The following NRIP1 variants were observed in gnomAD, a reference collection of about 807,000 sequenced individuals.
The protein encoded by NRIP1 is nuclear receptor-interacting protein 1.
In NRIP1, 28 loss-of-function variants were observed where a neutral mutation model predicts 75.0. The ratio of observed to expected loss-of-function variants is 0.37; its 90% CI spans 0.28 to 0.51. NRIP1 has a LOEUF of 0.51. NRIP1 is among the 20% of genes least tolerant of loss of function. NRIP1 has a pLI of 0.92. For synonymous variants in NRIP1, 526 were observed against 487.6 expected (o/e 1.08, Z -1.04); for missense variants, 1,435 against 1,343.7 (o/e 1.07, Z -1.06).
intron 3 of NRIP1, among the ~76,000 whole-genome samples, chr21:15,011,710 G>T (rs940559164): frequency 1.3e-5 from 2 of 152,050 alleles, no homozygotes; most frequent in African/African-American, 4.8e-5. Flanking sequence ...TTGATTTATG[G>T]TCATTTAGTT....
intron 1 of NRIP1, among the ~76,000 whole-genome samples, chr21:15,061,100 C>T (rs991884815): frequency 3.9e-5 from 6 of 152,144 alleles, no homozygotes; most frequent in Non-Finnish European, 8.8e-5. Flanking sequence ...TTTTAGTTCA[C>T]AGATTCAAAC....
At chr21:14,979,556 A>G (rs1404702230) in intron 3 of NRIP1, among the ~76,000 whole-genome samples, 1 of 152,202 alleles carries the variant, frequency 6.6e-6, no homozygotes, top group Non-Finnish European at 1.5e-5. Flanking sequence ...ACTTACCCAC[A>G]TAGTATATAC....
chr21:14,972,057 G>A (rs984478703), intron 3 of NRIP1, among the ~76,000 whole-genome samples: 10 of 152,140 alleles, frequency 6.6e-5, no homozygotes, highest in Admixed American at 4.6e-4. Context: ...GTCACGTGGA[G>A]AGGCTGCCTC....
chr21:15,018,136 A>C (rs1483519918), intron 2 of NRIP1, among the ~76,000 whole-genome samples: 1 of 152,164 alleles, frequency 6.6e-6, no homozygotes, highest in Non-Finnish European at 1.5e-5. Context: ...AAATAACTTC[A>C]TCATAATTAT....
At chr21:14,985,959 C>A (rs1339848269) in intron 3 of NRIP1, among the ~76,000 whole-genome samples, 1 of 152,112 alleles carries the variant, frequency 6.6e-6, no homozygotes, top group Admixed American at 6.6e-5. Context: ...AAATAAGTTA[C>A]AATGAAATAG....
In NRIP1 at chr21:14,967,622, T is replaced by G; in HGVS notation, c.571A>C (p.Lys191Gln). 1 of 1,613,710 alleles carries G rather than the reference T, an allele frequency of 6.2e-7. No homozygotes were observed. Among genetic ancestry groups the G allele is most frequent in the African/African-American group, 1.3e-5 (1 of 74,962 alleles). ...GGCTTTTGATCTTTAACTTTACTTT[T>G]CTTCAACAAAGTTTTTAAGTGACTT... Reference protein sequence around the residue: ...ASSHLKTLLKKSKVKDQKPDT... With the variant: ...ASSHLKTLLKQSKVKDQKPDT... Residue 191 changes from lysine (K) to glutamine (Q), a missense_variant, in exon 4 of 4, where the codon AAA becomes CAA. Coordinates refer to ENST00000318948, the MANE Select transcript of NRIP1 (RefSeq NM_003489.4).
chr21:15,008,518 T>A (rs552354055), intron 3 of NRIP1, among the ~76,000 whole-genome samples: 91 of 152,222 alleles, frequency 6.0e-4, no homozygotes, highest in Middle Eastern at 3.4e-3. Context: ...AAATGACTTC[T>A]CCTTGAGTAA....
At chr21:15,008,756 G>A (rs890649053) in intron 3 of NRIP1, among the ~76,000 whole-genome samples, 1 of 152,176 alleles carries the variant, frequency 6.6e-6, no homozygotes, top group Non-Finnish European at 1.5e-5. Flanking sequence ...GTCCTCAAAG[G>A]GTGGTCCAAG....
chr21:14,977,389 C>A (rs570944472), intron 3 of NRIP1, among the ~76,000 whole-genome samples: 1 of 152,278 alleles, frequency 6.6e-6, no homozygotes, highest in African/African-American at 2.4e-5. Context: ...AATTTACCAA[C>A]AGGATGTAAC....
intron 3 of NRIP1, chr21:14,991,344 T>A (rs2087566610): frequency 6.6e-6 from 1 of 150,708 alleles, no homozygotes. Flanking sequence ...TTCTAGGTGT[T>A]ATTTTCTCTT....
chr21:15,042,277 C>T (rs550056113), intron 2 of NRIP1, among the ~76,000 whole-genome samples: 18 of 152,266 alleles, frequency 1.2e-4, no homozygotes, highest in African/African-American at 2.6e-4. Context: ...ATTTATGCAT[C>T]CTTCCTTCAT....
intron 1 of NRIP1, chr21:15,050,231 G>C (rs1230668429): frequency 6.4e-6 from 1 of 157,446 alleles, no homozygotes; most frequent in East Asian, 1.9e-4. Context: ...AAGCTATTGA[G>C]ACCAATCAGA....
At chr21:15,000,642 G>C (rs1046691383) in intron 3 of NRIP1, among the ~76,000 whole-genome samples, 2 of 152,036 alleles carry the variant, frequency 1.3e-5, no homozygotes, top group African/African-American at 4.8e-5. Flanking sequence ...ATCAAAAACT[G>C]TAAGTAAAAA....
rs76390178 is a variant in NRIP1 at position 15,027,813 on chromosome 21, C to A, written c.-457-13347G>T. On this transcript the variant is annotated intron_variant, in intron 2 of 3. Transcript: ENST00000318948. Reference sequence around the variant, plus strand: ...GGGCTTTTTTCTCTCTACTTGGTCACACAGGCCAGCAATCATATATTCACC... The same window carrying A: ...GGGCTTTTTTCTCTCTACTTGGTCAAACAGGCCAGCAATCATATATTCACC... 9.6e-3 allele frequency among the ~76,000 whole-genome samples: 1,461 copies of A among 152,240 alleles called. 11 individuals are homozygous for A. Among genetic ancestry groups the A allele is most frequent in the Non-Finnish European group, 0.015 (1,016 of 68,022 alleles).
intron 1 of NRIP1, among the ~76,000 whole-genome samples, chr21:15,064,359 C>A (rs1978645929): frequency 6.6e-6 from 1 of 152,218 alleles, no homozygotes; most frequent in Non-Finnish European, 1.5e-5. Context: ...GACAGCAGGA[C>A]GGAGAGCGGC....
intron 3 of NRIP1, among the ~76,000 whole-genome samples, chr21:15,011,474 C>A (rs1304181447): frequency 6.6e-6 from 1 of 152,118 alleles, no homozygotes; most frequent in Non-Finnish European, 1.5e-5. Context: ...CAAGCGTGAG[C>A]CACCACGCCC....
intron 3 of NRIP1, among the ~76,000 whole-genome samples, chr21:15,012,827 C>G (rs1300068333): frequency 1.3e-5 from 2 of 152,056 alleles, no homozygotes; most frequent in Admixed American, 1.3e-4. Context: ...TGTATATTTA[C>G]CAGATGGCTA....
chr21:15,053,393 C>T (rs1448224016), intron 1 of NRIP1, among the ~76,000 whole-genome samples: 2 of 152,232 alleles, frequency 1.3e-5, no homozygotes, highest in South Asian at 2.1e-4. Flanking sequence ...GGGGCAACTA[C>T]CAGGAACTTT....
chr21:15,006,711 C>T (rs547312417), intron 3 of NRIP1, among the ~76,000 whole-genome samples: 3 of 152,234 alleles, frequency 2.0e-5, no homozygotes, highest in Admixed American at 6.5e-5. Context: ...CTTTCACTCA[C>T]TTGGATTCAG....
Sources: gnomAD v4.1 joint callset for allele counts (sites outside exome capture counted in the v4.1 genomes callset) on GRCh38, gnomAD v4.1.1 for gene constraint, MANE v1.5 for transcripts, NCBI Gene and HGNC (gene_info 2026-07-23, HGNC 2026-07-21) for gene names.